The following RNF111 variants were observed in gnomAD, a reference collection of about 807,000 sequenced individuals.
RNF111 encodes the protein ring finger protein 111.
Under a neutral mutation model 95.1 loss-of-function variants are expected in RNF111, and 17 were observed. The observed-to-expected ratio is 0.18, with a 90% CI of 0.12 to 0.27. The LOEUF (loss-of-function observed/expected upper bound fraction) is 0.27. Among genes scored for constraint, RNF111 ranks in the 10% least tolerant of loss-of-function variants. The pLI is 1.00. For missense variants in RNF111, 1,189 were observed against 1,210.4 expected, an observed-to-expected ratio of 0.98 and a Z score of 0.26; for synonymous variants, 440 against 414.8, an observed-to-expected ratio of 1.06 and a Z score of -0.74.
chr15:59,002,742 G>C (rs1196537670), intron 1 of RNF111, among the ~76,000 whole-genome samples: 1 of 152,126 alleles, frequency 6.6e-6, no homozygotes, highest in East Asian at 1.9e-4. Context: ...ATCTGGCCCT[G>C]ACTACTTCTG....
In RNF111 at chr15:59,031,030, G is replaced by C. The variant is rs774483693; in HGVS notation, c.208G>C (p.Asp70His). The C allele has an allele frequency of 1.2e-6, 2 of 1,614,182 alleles. No homozygotes were observed. The highest frequency in any genetic ancestry group is 8.5e-7 in the Non-Finnish European group (1 of 1,180,032). The change falls in exon 2 of 14, where the codon GAT becomes CAT. Residue 70 changes from aspartate (D) to histidine (H), a missense_variant. By Grantham distance (81) the Asp-to-His change is moderately conservative. Coordinates refer to ENST00000348370, the MANE Select transcript of RNF111 (RefSeq NM_017610.8). ...VGNEFSHLCD[D>H]SQKQEKEMNG... ...GAATGAATTCTCTCACCTGTGTGAT[G>C]ATTCTCAAAAGCAAGAGAAGGAAAT...
chr15:59,085,579 A>T, intron 9 of RNF111, 80 bp from the exon 10 acceptor site: 1 of 1,242,934 alleles, frequency 8.0e-7, no homozygotes, highest in Non-Finnish European at 1.1e-6. Flanking sequence ...TTACTTTTTT[A>T]AGTGTAAACA....
chr15:59,094,463 G>A (rs2079139812), intron 13 of RNF111, among the ~76,000 whole-genome samples: 1 of 152,112 alleles, frequency 6.6e-6, no homozygotes, highest in East Asian at 1.9e-4. Flanking sequence ...GCAATATTAT[G>A]TGACAGGTAA....
intron 2 of RNF111, among the ~76,000 whole-genome samples, chr15:59,048,020 T>C (rs1485484287): frequency 2.6e-5 from 4 of 152,186 alleles, no homozygotes; most frequent in Admixed American, 6.5e-5. Context: ...GAATGTAAAA[T>C]TGTAGAGCCA....
chr15:58,989,359 C>A (rs2038707318), intron 1 of RNF111, among the ~76,000 whole-genome samples: 1 of 152,138 alleles, frequency 6.6e-6, no homozygotes, highest in South Asian at 2.1e-4. Flanking sequence ...GCCATTTAAC[C>A]TTGGACAAAT....
chr15:59,033,217 G>C (rs1213271797), intron 2 of RNF111, among the ~76,000 whole-genome samples: 2 of 152,190 alleles, frequency 1.3e-5, no homozygotes, highest in Non-Finnish European at 2.9e-5. Flanking sequence ...GTCAGGGCCT[G>C]CTAGTCTACT....
chr15:59,073,465 A>AGT (rs1364622599), intron 6 of RNF111, among the ~76,000 whole-genome samples: 5 of 148,048 alleles, frequency 3.4e-5, no homozygotes, highest in Non-Finnish European at 7.4e-5. Context: ...TGGGCAATAG[A>AGT]GTGAGACACC....
intron 12 of RNF111, among the ~76,000 whole-genome samples, chr15:59,091,590 A>G (rs1015289052): frequency 1.3e-5 from 2 of 152,098 alleles, no homozygotes; most frequent in South Asian, 2.1e-4. Context: ...TTAACTAGCA[A>G]TTTATTTTGA....
chr15:59,064,741 A>G (rs1271764917), intron 5 of RNF111, among the ~76,000 whole-genome samples: 1 of 151,992 alleles, frequency 6.6e-6, no homozygotes, highest in Non-Finnish European at 1.5e-5. Flanking sequence ...AGGCCAGACT[A>G]GCAGCTTGGA....
At chr15:59,021,884 C>T (rs2040362516) in intron 1 of RNF111, among the ~76,000 whole-genome samples, 1 of 151,476 alleles carries the variant, frequency 6.6e-6, no homozygotes, top group South Asian at 2.1e-4. Flanking sequence ...TTTTTTGAGT[C>T]AGAGTTTGCT....
intron 5 of RNF111, 120 bp from the exon 6 acceptor site, chr15:59,066,644 A>G (rs2042669402): frequency 1.2e-6 from 1 of 822,002 alleles, no homozygotes; most frequent in Non-Finnish European, 1.9e-6. Context: ...CACATTATTT[A>G]CAGAGATTTG....
intron 2 of RNF111, among the ~76,000 whole-genome samples, chr15:59,038,002 TGTTAAAATA>T (rs1439132711): frequency 6.6e-6 from 1 of 152,236 alleles, no homozygotes; most frequent in Non-Finnish European, 1.5e-5. Context: ...TTAAGGCTGT[TGTTAAAATA>T]GTCATATGTC....
Position 59,067,227 on chromosome 15 carries a change from C to A in RNF111, c.1686+144C>A, listed in dbSNP as rs2042699192. 1.9e-5 allele frequency: 13 copies of A among 694,530 alleles called. No homozygotes were observed. In the South Asian group the frequency reaches 2.6e-4, roughly 14 times the overall value. 43.0% of individuals were successfully genotyped at this position (694,530 alleles called of 1,614,324 possible). ...CTCTCCCTGCTTTCTTCCCTCCCTG[C>A]CTCCCTCCGTTTCCTTTTTTTTTTT... On this transcript the variant is annotated intron_variant, in intron 6 of 13. Coordinates refer to ENST00000348370, the MANE Select transcript of RNF111 (RefSeq NM_017610.8).
At chr15:58,994,475 T>C (rs1036935275) in intron 1 of RNF111, among the ~76,000 whole-genome samples, 8 of 7,884 alleles carry the variant, frequency 1.0e-3, no homozygotes, top group Non-Finnish European at 1.9e-3. Context: ...TTCTCTCTCT[T>C]TTTTTTTTTT....
In RNF111 at chr15:59,095,650, A is replaced by G. The variant is rs1313345387; in HGVS notation, c.*750A>G. ...CATCATTTAGAATTTTATTTCCCTG[A>G]TTCAGTTTTTGCTGCTGTGAAACAG... On this transcript the variant is annotated 3_prime_UTR_variant, in exon 14 of 14. Coordinates refer to ENST00000348370, the MANE Select transcript of RNF111 (RefSeq NM_017610.8). 5.4e-6 allele frequency: 1 copy of G among 186,894 alleles called. No individual in the cohort carries two copies. Among genetic ancestry groups the G allele is most frequent in the African/African-American group, 2.3e-5 (1 of 42,982 alleles). 11.6% of individuals were successfully genotyped at this position (186,894 alleles called of 1,614,324 possible).
At chr15:59,071,690 C>T (rs79780805) in intron 6 of RNF111, among the ~76,000 whole-genome samples, 1 of 119,654 alleles carries the variant, frequency 8.4e-6, no homozygotes, top group African/African-American at 3.2e-5. Context: ...GATCCTGTCG[C>T]AAAAAAAAAA....
At chr15:58,991,603 G>C (rs1324523490) in intron 1 of RNF111, among the ~76,000 whole-genome samples, 8 of 152,172 alleles carry the variant, frequency 5.3e-5, no homozygotes, top group African/African-American at 1.9e-4. Flanking sequence ...GTGGTAATTT[G>C]ACCTGTGACT....
chr15:58,988,637 C>T (rs1402340569), intron 1 of RNF111, among the ~76,000 whole-genome samples: 1 of 152,222 alleles, frequency 6.6e-6, no homozygotes, highest in Non-Finnish European at 1.5e-5. Flanking sequence ...AATATCTGTT[C>T]AGTGCAGCAG....
chr15:59,034,076 G>C (rs1441336984), intron 2 of RNF111, among the ~76,000 whole-genome samples: 1 of 152,174 alleles, frequency 6.6e-6, no homozygotes, highest in Non-Finnish European at 1.5e-5. Context: ...ATCACTATTA[G>C]TAGTTTCTTA....
Sources: gnomAD v4.1 joint callset for allele counts (sites outside exome capture counted in the v4.1 genomes callset) on GRCh38, gnomAD v4.1.1 for gene constraint, MANE v1.5 for transcripts, NCBI Gene and HGNC (gene_info 2026-07-23, HGNC 2026-07-21) for gene names.